ZNF177: variants seen among roughly 807,000 people sequenced by gnomAD.
The protein encoded by ZNF177 is zinc finger protein 177.
Under a neutral mutation model 19.4 loss-of-function variants are expected in ZNF177, and 17 were observed. The observed-to-expected ratio is 0.87, with a 90% CI of 0.60 to 1.31. ZNF177 has a LOEUF of 1.31. ZNF177 is among the 40% of genes most tolerant of loss of function. The probability of loss-of-function intolerance (pLI) is 0.00; values close to 1 mark genes in which losing one functional copy is unlikely to be tolerated. For missense variants in ZNF177, 633 were observed against 561.8 expected (o/e 1.13, Z -1.28); for synonymous variants, 220 against 188.7 (o/e 1.17, Z -1.36).
chr19:9,364,864 C>CT (rs1286315817), exon 2 of ZNF177: 1 of 152,108 alleles, frequency 6.6e-6, no homozygotes, highest in African/African-American at 2.4e-5. Flanking sequence ...ATTTTCAGGG[C>CT]TGGGTATAAG....
chr19:9,372,015 T>G (rs1237650456), upstream of ZNF177, among the ~76,000 whole-genome samples: 1 of 152,220 alleles, frequency 6.6e-6, no homozygotes, highest in East Asian at 1.9e-4. Flanking sequence ...ACCTGACACC[T>G]GTGTGTTAGC....
At chr19:9,379,979 T>C (rs1458032427) in intron 4 of ZNF177, 78 bp from the exon 7 acceptor site, 23 of 1,506,146 alleles carry the variant, frequency 1.5e-5, no homozygotes, top group Non-Finnish European at 1.8e-5. Flanking sequence ...TGAAAACAAA[T>C]CCATAGGGTC....
At chr19:9,367,688 TC>T (rs2067998516) in intron 2 of ZNF177, among the ~76,000 whole-genome samples, 1 of 152,230 alleles carries the variant, frequency 6.6e-6, no homozygotes, top group Non-Finnish European at 1.5e-5. Flanking sequence ...AGAATATTCT[TC>T]CTTTTATACT....
intron 1 of ZNF177, among the ~76,000 whole-genome samples, chr19:9,377,437 AT>A (rs1281841829): frequency 6.6e-6 from 1 of 152,182 alleles, no homozygotes; most frequent in African/African-American, 2.4e-5. Context: ...TCTAGAAGTC[AT>A]TGTCACCATA....
chr19:9,370,098 T>C (rs967187668), intron 2 of ZNF177, among the ~76,000 whole-genome samples: 24 of 152,192 alleles, frequency 1.6e-4, no homozygotes, highest in Non-Finnish European at 2.9e-4. Context: ...GTCTCAGGTC[T>C]TTATTTTAAA....
chr19:9,365,849 A>G (rs1322919684), intron 2 of ZNF177, among the ~76,000 whole-genome samples: 10 of 152,162 alleles, frequency 6.6e-5, no homozygotes, highest in African/African-American at 1.9e-4. Context: ...AGAAGAGAGT[A>G]AAAAGAGGCC....
rs751690169 is a variant in ZNF177 at position 9,379,528 on chromosome 19, G to A, written c.162G>A (p.Gly54=). The stretch of plus-strand genomic sequence containing the variant: ...CATCCTTGCTTTCTGCGTGAGCAGG[G>A]TATCAGCTCTGCAGACACAGTCTGA... Residue 54 remains glycine, a splice_region_variant and synonymous_variant, in exon 4 of 6, where the codon GGG becomes GGA. Transcript: ENST00000589262. The A allele has an allele frequency of 5.0e-6, 8 of 1,613,224 alleles. No individual in the cohort carries two copies. In the African/African-American group the frequency reaches 5.3e-5, roughly 11 times the overall value.
upstream of ZNF177, among the ~76,000 whole-genome samples, chr19:9,376,058 T>G (rs896899841): frequency 3.3e-5 from 5 of 152,208 alleles, no homozygotes; most frequent in Non-Finnish European, 5.9e-5. Flanking sequence ...ATAGTGAGCT[T>G]CTTGTAGGCA....
chr19:9,365,927 G>A (rs2067972843), intron 2 of ZNF177, among the ~76,000 whole-genome samples: 1 of 152,136 alleles, frequency 6.6e-6, no homozygotes, highest in Admixed American at 6.5e-5. Context: ...GGTCATAGGT[G>A]GATCTTTCTC....
rs886297088 is a variant in ZNF177 at position 9,379,103 on chromosome 19, A to G, written c.160+15A>G. ...GGCCTCAGTAGGTAAGGCTGGCCTC[A>G]TTTCTTCATTTGTTTATGTAGCAAA... On this transcript the variant is annotated intron_variant, in intron 3 of 5. Transcript: ENST00000589262. 3.2e-6 allele frequency: 5 copies of G among 1,587,054 alleles called. No homozygotes were observed. The African/African-American group carries it at 6.8e-5, about 22-fold the overall frequency.
chr19:9,378,527 T>C, intron 2 of ZNF177, 183 bp downstream of exon 4: 1 of 940,650 alleles, frequency 1.1e-6, no homozygotes. Context: ...ATTTGTTAAC[T>C]TTCTCCAGAT....
rs777684613 is a variant in ZNF177, at chr19:9,379,712, A to G, written c.253+93A>G. On this transcript the variant is annotated intron_variant, in intron 4 of 5. Coordinates refer to ENST00000589262, the Ensembl canonical transcript of ZNF177. ...AGTGAAGGAAAAGAAATCTGAGGCC[A>G]TGACATGAGCTTCCTTCCTGTTTCA... is the stretch of plus-strand genomic sequence containing the variant. 104 of 1,410,050 alleles carry G rather than the reference A, an allele frequency of 7.4e-5. 1 individual carries two copies. Among genetic ancestry groups the G allele is most frequent in the Non-Finnish European group, 9.4e-5 (98 of 1,042,634 alleles). The allele number at this position is 1,410,050 out of a possible 1,614,324, so 87.3% of individuals were successfully genotyped here.
chr19:9,376,855 C>T (rs1439833542), intron 1 of ZNF177, among the ~76,000 whole-genome samples: 1 of 151,988 alleles, frequency 6.6e-6, no homozygotes, highest in Non-Finnish European at 1.5e-5. Flanking sequence ...TATATAATTA[C>T]CTTTACCCCA....
exon 5 of ZNF177, chr19:9,380,105 T>C (rs1174160328): frequency 6.2e-7 from 1 of 1,611,842 alleles, no homozygotes; most frequent in African/African-American, 1.3e-5. Flanking sequence ...ATGCAGAACA[T>C]TCCTGGGGGA....
chr19:9,377,627 G>A (rs533178920), intron 1 of ZNF177, among the ~76,000 whole-genome samples: 3 of 152,296 alleles, frequency 2.0e-5, no homozygotes, highest in Admixed American at 1.3e-4. Context: ...AAAGGGCCTG[G>A]AAGGTAGGCT....
chr19:9,381,469 C>T lies in ZNF177; in HGVS notation c.1138C>T (p.Gln380Ter), dbSNP rs142097983. The change falls in exon 6 of 6, where the codon CAG becomes TAG. Residue 380 changes from glutamine (Q) to a stop codon, truncating the protein, a stop_gained. Transcript: ENST00000589262. LOFTEE classifies it low-confidence loss of function (END_TRUNC). ...TGACTGTGGAAAAGCCTTCATCGAT[C>T]AGTCATCCCTTAAGAAACACACACG... 4 of 1,611,612 alleles carry T rather than the reference C, an allele frequency of 2.5e-6. No individual in the cohort carries two copies. Among genetic ancestry groups the T allele is most frequent in the Admixed American group, 1.7e-5 (1 of 59,992 alleles).
At chr19:9,372,978 G>C (rs967985229), upstream of ZNF177, among the ~76,000 whole-genome samples, 2 of 152,182 alleles carry the variant, frequency 1.3e-5, no homozygotes, top group Non-Finnish European at 2.9e-5. Flanking sequence ...GATCATCACA[G>C]TCAAGCTAAT....
At chr19:9,370,417 T>C (rs982794656) in intron 2 of ZNF177, among the ~76,000 whole-genome samples, 30 of 149,684 alleles carry the variant, frequency 2.0e-4, no homozygotes, top group Non-Finnish European at 7.4e-5. Context: ...TGTTTTTTTT[T>C]TGTTTTTTTT....
intron 2 of ZNF177, among the ~76,000 whole-genome samples, chr19:9,369,447 A>G (rs1225382162): frequency 6.6e-6 from 1 of 152,078 alleles, no homozygotes; most frequent in Non-Finnish European, 1.5e-5. Flanking sequence ...TTCACCTGGT[A>G]TATCTTTCTT....
Sources: gnomAD v4.1 joint callset for allele counts (sites outside exome capture counted in the v4.1 genomes callset) on GRCh38, gnomAD v4.1.1 for gene constraint, MANE v1.5 for transcripts, NCBI Gene and HGNC (gene_info 2026-07-23, HGNC 2026-07-21) for gene names.